Variants in PTPRT observed in about 807,000 individuals in gnomAD.
The protein encoded by PTPRT is receptor-type tyrosine-protein phosphatase T.
PTPRT carries 56 observed loss-of-function variants against 176.8 expected under a neutral mutation model. The ratio of observed to expected loss-of-function variants is 0.32; its 90% CI spans 0.26 to 0.40. PTPRT has a LOEUF of 0.40. PTPRT is among the 10% of genes least tolerant of loss of function. The pLI, the probability that PTPRT is intolerant of heterozygous loss-of-function variation, is 1.00. For missense variants in PTPRT, 1,540 were observed against 1,908.2 expected (o/e 0.81, Z 3.60); for synonymous variants, 783 against 739.0 (o/e 1.06, Z -0.96).
chr20:42,299,603 T>C (rs1029095586), intron 12 of PTPRT, among the ~76,000 whole-genome samples: 2 of 151,080 alleles, frequency 1.3e-5, no homozygotes, highest in Non-Finnish European at 2.9e-5. Context: ...ATAAACTCCT[T>C]GATGTTGGAC....
intron 2 of PTPRT, among the ~76,000 whole-genome samples, chr20:42,872,034 T>C (rs999500957): frequency 3.3e-5 from 5 of 152,236 alleles, no homozygotes; most frequent in Admixed American, 2.0e-4. Context: ...AGTTGTTTCA[T>C]TGACTACAAG....
chr20:42,508,404 A>G (rs1257985814), intron 7 of PTPRT, among the ~76,000 whole-genome samples: 1 of 152,148 alleles, frequency 6.6e-6, no homozygotes, highest in East Asian at 1.9e-4. Context: ...GTATGAGAGA[A>G]GGCTACTCAT....
Position 42,648,822 on chromosome 20 carries a change from T to TTTTTTTTTTGTCTTG in PTPRT, c.1153+29043_1153+29044insCAAGACAAAAAAAAA, listed in dbSNP as rs771304497. Among the ~76,000 whole-genome samples, 177 of 42,354 alleles carry TTTTTTTTTTGTCTTG rather than the reference T, an allele frequency of 4.2e-3. 1 individual carries two copies. The highest frequency in any genetic ancestry group is 0.037 in the Middle Eastern group (3 of 82). The allele number at this position is 42,354 out of a possible 152,430, so 27.8% of individuals were successfully genotyped here. On this transcript the variant is annotated intron_variant, in intron 7 of 30. Coordinates refer to ENST00000373187, the MANE Select transcript of PTPRT (RefSeq NM_007050.6). ...GGATTTTTTTTTTTGGTGTCGTTGT[T>TTTTTTTTTTGTCTTG]TTTTTTTTTTTTTTTTGACAGAGTC...
rs761073803 is a variant in PTPRT, at chr20:42,618,342, AG to A, written c.1153+59523del. On this transcript the variant is annotated intron_variant, in intron 7 of 30. Transcript: ENST00000373187. ...AATTTCTGTTCTTTTACATTTGCTGAGGAGTGCTTTACTTCCAACTATGTGG... is the reference window on the plus strand; with the variant it reads ...AATTTCTGTTCTTTTACATTTGCTGAGAGTGCTTTACTTCCAACTATGTGG... Among the ~76,000 whole-genome samples, 667 of 135,130 alleles carry A rather than the reference AG, an allele frequency of 4.9e-3. 89 individuals are homozygous for A. Among genetic ancestry groups the A allele is most frequent in the Non-Finnish European group, 8.4e-3 (542 of 64,682 alleles). 88.7% of individuals were successfully genotyped at this position (135,130 alleles called of 152,430 possible).
chr20:42,579,798 T>C (rs1451953952), intron 7 of PTPRT, among the ~76,000 whole-genome samples: 1 of 152,244 alleles, frequency 6.6e-6, no homozygotes, highest in African/African-American at 2.4e-5. Context: ...AAATTCTCGA[T>C]ATTAGCCTTT....
At position 42,780,230 on chromosome 20, in the gene PTPRT, C is replaced by T. The variant is rs2145497586; in HGVS notation, c.556G>A (p.Ala186Thr). The T allele has an allele frequency of 6.2e-7, 1 of 1,613,752 alleles. No individual in the cohort carries two copies. The highest frequency in any genetic ancestry group is 2.2e-5 in the East Asian group (1 of 44,872). Residue 186 changes from alanine (A) to threonine (T), a missense_variant, in exon 4 of 31, where the codon GCT becomes ACT. Physicochemically the swap from Ala to Thr is moderately conservative, Grantham distance 58. Around this residue, in one of 11 missense-constraint regions of PTPRT, gnomAD observed 273 missense variants for 432.1 expected, o/e 0.63. Transcript: ENST00000373187. ...YIAVDEVRVL[A>T]HPCRKAPHFL... ...GGGAAAGACTTACTGCATGGATGAG[C>T]AAGGACCCGGACCTCGTCCACGGCG...
intron 13 of PTPRT, among the ~76,000 whole-genome samples, chr20:42,266,651 C>G (rs541213462): frequency 6.6e-6 from 1 of 152,142 alleles, no homozygotes; most frequent in Non-Finnish European, 1.5e-5. Flanking sequence ...CCCCTCGCAC[C>G]CAGCTGTGAC....
chr20:42,269,027 A>G (rs1325436040), intron 13 of PTPRT, among the ~76,000 whole-genome samples: 1 of 152,058 alleles, frequency 6.6e-6, no homozygotes, highest in South Asian at 2.1e-4. Context: ...TGGTACAAAT[A>G]TTGGCCCCCT....
intron 7 of PTPRT, among the ~76,000 whole-genome samples, chr20:42,538,625 A>G (rs1187492822): frequency 6.6e-6 from 1 of 152,212 alleles, no homozygotes; most frequent in Non-Finnish European, 1.5e-5. Context: ...AATTGGGAAC[A>G]TCATTGCTCA....
intron 1 of PTPRT, among the ~76,000 whole-genome samples, chr20:43,056,443 T>C (rs929855569): frequency 2.6e-5 from 4 of 152,154 alleles, no homozygotes; most frequent in African/African-American, 9.7e-5. Flanking sequence ...CCTTGCCCTA[T>C]CTAATGGCTG....
intron 7 of PTPRT, among the ~76,000 whole-genome samples, chr20:42,514,103 G>C (rs889023584): frequency 6.6e-6 from 1 of 152,092 alleles, no homozygotes. Flanking sequence ...ATGTTCTTGG[G>C]CATAATCCAT....
intron 12 of PTPRT, among the ~76,000 whole-genome samples, chr20:42,314,539 AAAAGAAAG>A (rs1229605670): frequency 6.7e-6 from 1 of 148,878 alleles, no homozygotes; most frequent in Non-Finnish European, 1.5e-5. Context: ...AAAAAAAAAA[AAAAGAAAG>A]AAAAGAAAAG....
chr20:43,143,115 G>A (rs1037390574), intron 1 of PTPRT, among the ~76,000 whole-genome samples: 6 of 152,148 alleles, frequency 3.9e-5, no homozygotes, highest in Non-Finnish European at 7.3e-5. Flanking sequence ...TCCCCATAAG[G>A]AACGGTGTTG....
intron 7 of PTPRT, among the ~76,000 whole-genome samples, chr20:42,518,055 C>T (rs973343072): frequency 2.0e-5 from 3 of 151,886 alleles, no homozygotes; most frequent in Admixed American, 6.6e-5. Context: ...ATGTATTTGT[C>T]ACATTCTCCT....
intron 2 of PTPRT, among the ~76,000 whole-genome samples, chr20:42,809,165 T>C (rs2077658569): frequency 6.6e-6 from 1 of 152,222 alleles, no homozygotes; most frequent in East Asian, 1.9e-4. Flanking sequence ...CACGAGATGT[T>C]GGTGCCATCA....
intron 4 of PTPRT, among the ~76,000 whole-genome samples, chr20:42,778,929 T>C (rs2145492867): frequency 6.6e-6 from 1 of 152,276 alleles, no homozygotes; most frequent in South Asian, 2.1e-4. Flanking sequence ...GTAGGGACTT[T>C]CAGCCAGTGC....
At chr20:42,827,333 C>T (rs1358376665) in intron 2 of PTPRT, among the ~76,000 whole-genome samples, 1 of 152,064 alleles carries the variant, frequency 6.6e-6, no homozygotes, top group African/African-American at 2.4e-5. Flanking sequence ...TGCAAAAGAA[C>T]CACAATCATT....
the PTPRT span, among the ~76,000 whole-genome samples, chr20:42,058,552 C>A: frequency 6.6e-6 from 1 of 152,176 alleles, no homozygotes; most frequent in Non-Finnish European, 1.5e-5. Context: ...CTTTCCAGCC[C>A]CTCCTTCACC....
chr20:42,902,630 A>AT (rs2079421189), intron 1 of PTPRT, among the ~76,000 whole-genome samples: 1 of 152,162 alleles, frequency 6.6e-6, no homozygotes, highest in South Asian at 2.1e-4. Context: ...CCACTGCCTT[A>AT]TTTTGTCCTT....
Sources: allele counts gnomAD v4.1 joint callset (sites outside exome capture counted in the v4.1 genomes callset), GRCh38; gene constraint gnomAD v4.1.1; regional missense constraint gnomAD v4.1.1; transcripts MANE v1.5; gene names NCBI Gene and HGNC (gene_info 2026-07-23, HGNC 2026-07-21).